FBXL4: variants seen among roughly 807,000 people sequenced by gnomAD.
FBXL4 encodes the protein F-box and leucine rich repeat protein 4, also known as F-box/LRR-repeat protein 4.
A neutral mutation model predicts 58.9 loss-of-function variants in FBXL4; 40 were observed. The ratio of observed to expected loss-of-function variants is 0.68; its 90% CI spans 0.53 to 0.88. The LOEUF (loss-of-function observed/expected upper bound fraction) is 0.88, where lower values mean the gene tolerates loss of function less well. FBXL4 is among the 40% of genes least tolerant of loss of function. The pLI is 0.00. For synonymous variants in FBXL4, 263 were observed against 265.5 expected (o/e 0.99, Z 0.09); for missense variants, 676 against 734.4 (o/e 0.92, Z 0.92).
chr6:98,889,007 G>T (rs1427713105), intron 7 of FBXL4, among the ~76,000 whole-genome samples: 3 of 152,290 alleles, frequency 2.0e-5, no homozygotes, highest in Admixed American at 6.5e-5. Context: ...GATCAAACTG[G>T]AAGAGTAAAC....
At position 98,926,872 on chromosome 6, in the gene FBXL4, T is replaced by A; in HGVS notation, c.117A>T (p.Glu39Asp). 1 of 1,614,180 alleles carries A rather than the reference T, an allele frequency of 6.2e-7. No individual in the cohort carries two copies. Among genetic ancestry groups the A allele is most frequent in the Non-Finnish European group, 8.5e-7 (1 of 1,180,020 alleles). Residue 39 changes from glutamate to aspartate, a missense_variant, in exon 4 of 10, where the codon GAA becomes GAT. Glu to Asp is a conservative substitution (Grantham distance 45, BLOSUM62 2). Coordinates refer to ENST00000369244, the MANE Select transcript of FBXL4 (RefSeq NM_001278716.2). ...TGAGAGGGGAAGTCTGGCTGTTTGA[T>A]TCTATAGCTCTATGGGTGTTCATCA... ...GEMMNTHRAI[E>D]SNSQTSPLNA...
At chr6:98,946,596 G>T (rs985832456) in intron 1 of FBXL4, among the ~76,000 whole-genome samples, 3 of 152,154 alleles carry the variant, frequency 2.0e-5, no homozygotes, top group African/African-American at 4.8e-5. Flanking sequence ...TCATCACGGC[G>T]TGAGTAAAGA....
rs960037193 is a variant in FBXL4, at chr6:98,898,818, T to C, written c.1317+450A>G. ...TAGTGAAAAAGCAAGTAGACTAATA[T>C]ATATGACATGATTCCTTTTTAAATG... On this transcript the variant is annotated intron_variant, in intron 7 of 9. Coordinates refer to ENST00000369244, the MANE Select transcript of FBXL4 (RefSeq NM_001278716.2). 49 of 985,354 alleles carry C rather than the reference T, an allele frequency of 5.0e-5. No individual in the cohort carries two copies. In the African/African-American group the frequency reaches 8.4e-4, roughly 17 times the overall value. 61.0% of individuals were successfully genotyped at this position (985,354 alleles called of 1,614,324 possible).
At chr6:98,905,200 G>T (rs1771751099) in intron 6 of FBXL4, among the ~76,000 whole-genome samples, 1 of 152,146 alleles carries the variant, frequency 6.6e-6, no homozygotes. Flanking sequence ...GAAGTAAAGG[G>T]TATAGTTTCC....
chr6:98,924,712 T>G (rs1460039839), intron 4 of FBXL4, among the ~76,000 whole-genome samples: 1 of 152,190 alleles, frequency 6.6e-6, no homozygotes, highest in African/African-American at 2.4e-5. Context: ...AAAGTAAAGA[T>G]TATACCAGCA....
chr6:98,911,922 C>T (rs1772093027), intron 5 of FBXL4, among the ~76,000 whole-genome samples: 1 of 152,094 alleles, frequency 6.6e-6, no homozygotes, highest in African/African-American at 2.4e-5. Context: ...AAGTTAAAAA[C>T]TTTGAAAAAA....
chr6:98,937,944 G>A (rs1773284068), intron 1 of FBXL4, among the ~76,000 whole-genome samples: 1 of 150,942 alleles, frequency 6.6e-6, no homozygotes, highest in African/African-American at 2.4e-5. Flanking sequence ...TCTCCACCAA[G>A]TTGTTTTCTG....
Position 98,880,554 on chromosome 6 carries a change from A to G in FBXL4, c.1388T>C (p.Met463Thr), listed in dbSNP as rs146638016. The change falls in exon 8 of 10, where the codon ATG becomes ACG. Residue 463 changes from methionine to threonine, a missense_variant and splice_region_variant. Physicochemically the swap from Met to Thr is moderately conservative, Grantham distance 81. Transcript: ENST00000369244. ...LQHLSLGSCV[M>T]IEDYDVIASM... ...TATAAAGAATTCTCAAACACTTACC[A>G]TGACACAACTGCCTAAACTGAGGTG... The G allele has an allele frequency of 7.4e-4, 1,186 of 1,613,440 alleles. 1 individual carries two copies. Among genetic ancestry groups the G allele is most frequent in the Non-Finnish European group, 9.5e-4 (1,115 of 1,179,572 alleles).
At chr6:98,875,330 TTC>T (rs777481333) in intron 9 of FBXL4, 83 bp downstream of exon 9, 1 of 1,359,014 alleles carries the variant, frequency 7.4e-7, no homozygotes, top group Non-Finnish European at 1.0e-6. Context: ...TCCAAAAATT[TTC>T]TTTTTCCTAA....
chr6:98,940,976 C>CA (rs1323945992), intron 1 of FBXL4, among the ~76,000 whole-genome samples: 1 of 152,088 alleles, frequency 6.6e-6, no homozygotes, highest in Non-Finnish European at 1.5e-5. Context: ...AGTGGGAATG[C>CA]AAAATCATAT....
At chr6:98,912,069 G>A (rs1017560281) in intron 5 of FBXL4, among the ~76,000 whole-genome samples, 1 of 152,180 alleles carries the variant, frequency 6.6e-6, no homozygotes, top group Non-Finnish European at 1.5e-5. Flanking sequence ...TGGAAGAAAG[G>A]TTATCAGTGA....
intron 7 of FBXL4, among the ~76,000 whole-genome samples, chr6:98,884,102 G>A (rs915794149): frequency 2.0e-5 from 3 of 151,636 alleles, no homozygotes; most frequent in Non-Finnish European, 4.4e-5. Flanking sequence ...TTTACTGAGT[G>A]TCTACAGGTG....
At chr6:98,921,571 A>G (rs945667951) in intron 4 of FBXL4, among the ~76,000 whole-genome samples, 1 of 151,938 alleles carries the variant, frequency 6.6e-6, no homozygotes, top group African/African-American at 2.4e-5. Context: ...AAACTAATAA[A>G]CTAGCATGTG....
chr6:98,947,285 C>T (rs1438320133), intron 1 of FBXL4, among the ~76,000 whole-genome samples: 4 of 152,236 alleles, frequency 2.6e-5, no homozygotes, highest in African/African-American at 7.2e-5. Context: ...TCTAGGGGCA[C>T]CCCTAAACCT....
chr6:98,888,166 GAGTTGGCAAACTACTGTCCACAGGCCAA>G (rs1562220985), intron 7 of FBXL4, among the ~76,000 whole-genome samples: 1 of 152,174 alleles, frequency 6.6e-6, no homozygotes, highest in African/African-American at 2.4e-5. Context: ...TTTGGAGCAG[GAGTTGGCAAACTACTGTCCACAGGCCAA>G]ATCCAGCCTA....
At chr6:98,938,041 CT>C (rs71015480) in intron 1 of FBXL4, among the ~76,000 whole-genome samples, 2,796 of 121,018 alleles carry the variant, frequency 0.023, 62 homozygotes, top group African/African-American at 0.074. Context: ...CCCCTGCACC[CT>C]TTTTTTTTTT....
At chr6:98,898,904 ACTTTG>A (rs1197546847) in intron 7 of FBXL4, 5 of 985,274 alleles carry the variant, frequency 5.1e-6, no homozygotes, top group Non-Finnish European at 6.0e-6. Flanking sequence ...GATAAATATC[ACTTTG>A]CTTCCTCCCA....
chr6:98,926,890 G>A lies in FBXL4; in HGVS notation c.99C>T (p.Asn33=), dbSNP rs1354460734. ...ARTATRGEMM[N]THRAIESNSQ... ...TGTTTGATTCTATAGCTCTATGGGTGTTCATCATTTCTCCTCTTGTAGCTG... is the reference window on the plus strand; with the variant it reads ...TGTTTGATTCTATAGCTCTATGGGTATTCATCATTTCTCCTCTTGTAGCTG... The change falls in exon 4 of 10, where the codon AAC becomes AAT. Residue 33 remains asparagine (N), a synonymous_variant. Coordinates refer to ENST00000369244, the MANE Select transcript of FBXL4 (RefSeq NM_001278716.2). 3.7e-6 allele frequency: 6 copies of A among 1,614,046 alleles called. No individual in the cohort carries two copies. Among genetic ancestry groups the A allele is most frequent in the Non-Finnish European group, 5.1e-6 (6 of 1,180,032 alleles).
At chr6:98,902,292 C>A (rs1771643568) in intron 6 of FBXL4, among the ~76,000 whole-genome samples, 1 of 152,014 alleles carries the variant, frequency 6.6e-6, no homozygotes, top group South Asian at 2.1e-4. Context: ...TCCCAAATAA[C>A]TTGGAACATT....
Sources: gnomAD v4.1 joint callset for allele counts (sites outside exome capture counted in the v4.1 genomes callset) on GRCh38, gnomAD v4.1.1 for gene constraint, MANE v1.5 for transcripts, NCBI Gene and HGNC (gene_info 2026-07-23, HGNC 2026-07-21) for gene names.